The following POGZ variants were observed in gnomAD, a reference collection of about 807,000 sequenced individuals.
POGZ encodes the protein pogo transposable element with ZNF domain.
A neutral mutation model predicts 134.6 loss-of-function variants in POGZ; 17 were observed. That is an observed-to-expected ratio of 0.13 (90% CI 0.09 to 0.19). POGZ has a LOEUF of 0.19. POGZ is among the 10% of genes least tolerant of loss of function. POGZ has a pLI of 1.00. For synonymous variants in POGZ, 693 were observed against 657.1 expected, an observed-to-expected ratio of 1.05 and a Z score of -0.84; for missense variants, 1,306 against 1,769.7, an observed-to-expected ratio of 0.74 and a Z score of 4.70.
chr1:151,406,518 T>G, intron 18 of POGZ, 54 bp from the exon 19 acceptor site: 1 of 1,552,088 alleles, frequency 6.4e-7, no homozygotes, highest in Non-Finnish European at 8.7e-7. Context: ...AACTAGGAAA[T>G]TGAAACAATA....
In POGZ at chr1:151,408,479, T is replaced by C. The variant is rs760122079; in HGVS notation, c.2164A>G (p.Met722Val). 1.8e-5 allele frequency: 29 copies of C among 1,593,562 alleles called. No homozygotes were observed. In the Middle Eastern group the frequency reaches 6.7e-4, roughly 37 times the overall value. Reference sequence around the variant, plus strand: ...TAAAGGAAGACAGGCAGAGGGTCCATTGAGGAGGTCAGCGGTGCTGCCTCC... The same window carrying C: ...TAAAGGAAGACAGGCAGAGGGTCCACTGAGGAGGTCAGCGGTGCTGCCTCC... ...LQEAAPLTSSMDPLPVFLYPP... is the reference protein window; with the variant it reads ...LQEAAPLTSSVDPLPVFLYPP... The change falls in exon 14 of 19, where the codon ATG (methionine) becomes GTG (valine). Residue 722 changes from methionine to valine, a missense_variant. Around this residue, in one of 10 missense-constraint regions of POGZ, gnomAD observed 149 missense variants for 237.5 expected, o/e 0.63. Coordinates refer to ENST00000271715, the MANE Select transcript of POGZ (RefSeq NM_015100.4).
At chr1:151,425,762 T>C (rs542382699) in intron 7 of POGZ, among the ~76,000 whole-genome samples, 2 of 152,376 alleles carry the variant, frequency 1.3e-5, no homozygotes, top group East Asian at 3.9e-4. Context: ...TATCAGTTGA[T>C]GGACCTCTGT....
intron 17 of POGZ, 139 bp from the exon 18 acceptor site, chr1:151,406,770 G>T: frequency 2.0e-6 from 2 of 1,015,008 alleles, no homozygotes; most frequent in Admixed American, 2.2e-5. Flanking sequence ...ATAAACTTCA[G>T]GTCGGAAGGT....
intron 7 of POGZ, among the ~76,000 whole-genome samples, chr1:151,425,467 A>C (rs998731078): frequency 2.0e-4 from 31 of 152,148 alleles, no homozygotes; most frequent in Middle Eastern, 3.4e-3. Context: ...GTTTTTTTTA[A>C]TCTTGCAGAA....
chr1:151,420,430 C>A (rs929285156), intron 10 of POGZ, among the ~76,000 whole-genome samples: 1 of 152,118 alleles, frequency 6.6e-6, no homozygotes, highest in Admixed American at 6.5e-5. Flanking sequence ...AATCCTCCCA[C>A]CTCTACCTCC....
chr1:151,412,020 C>G (rs1327233494), intron 11 of POGZ, among the ~76,000 whole-genome samples: 2 of 152,102 alleles, frequency 1.3e-5, no homozygotes, highest in Non-Finnish European at 2.9e-5. Flanking sequence ...AAAAATAAAG[C>G]CTTTTCTGTC....
chr1:151,416,747 T>C (rs995800889), intron 10 of POGZ, among the ~76,000 whole-genome samples: 2 of 151,078 alleles, frequency 1.3e-5, no homozygotes, highest in African/African-American at 4.9e-5. Flanking sequence ...CCTCAGCCTC[T>C]TGAGCAGCTG....
At chr1:151,436,834 C>T (rs558343923) in intron 3 of POGZ, among the ~76,000 whole-genome samples, 3 of 152,134 alleles carry the variant, frequency 2.0e-5, no homozygotes, top group Non-Finnish European at 2.9e-5. Flanking sequence ...TGTGAACATA[C>T]GTTTTCCATT....
intron 12 of POGZ, among the ~76,000 whole-genome samples, chr1:151,411,198 G>A (rs964588730): frequency 2.0e-5 from 3 of 152,070 alleles, no homozygotes; most frequent in African/African-American, 7.2e-5. Flanking sequence ...CAACCCCTCT[G>A]TCTCTTACAC....
intron 3 of POGZ, among the ~76,000 whole-genome samples, chr1:151,434,702 C>A: frequency 6.6e-6 from 1 of 152,098 alleles, no homozygotes; most frequent in South Asian, 2.1e-4. Flanking sequence ...CCTGCCTCAG[C>A]CTCCCAAGTA....
intron 3 of POGZ, among the ~76,000 whole-genome samples, chr1:151,435,227 C>T (rs187166555): frequency 9.9e-5 from 15 of 152,268 alleles, no homozygotes; most frequent in Admixed American, 9.8e-4. Context: ...AGTTTACTTC[C>T]ATACCCTTAA....
At position 151,407,015 on chromosome 1, in the gene POGZ, T is replaced by C. The variant is rs1403462712; in HGVS notation, c.2441A>G (p.Lys814Arg). Reference sequence around the variant, plus strand: ...AAAGGTACATGAAGTGCAGGCCAGCTTGATTCCACTAAAAAAGAGAATTGA... The same window carrying C: ...AAAGGTACATGAAGTGCAGGCCAGCCTGATTCCACTAAAAAAGAGAATTGA... ...ALFKNSVSGI[K>R]LACTSCTFVT... The change falls in exon 17 of 19, where the codon AAG becomes AGG. Residue 814 changes from lysine to arginine, a missense_variant. Physicochemically the swap from Lys to Arg is conservative, Grantham distance 26. This residue lies in a region of POGZ where 34 missense variants were observed against 95.5 expected (regional missense o/e 0.36). Transcript: ENST00000271715. 2 of 1,612,940 alleles carry C rather than the reference T, an allele frequency of 1.2e-6. No homozygotes were observed. The highest frequency in any genetic ancestry group is 1.7e-6 in the Non-Finnish European group (2 of 1,179,002).
chr1:151,403,423 T>C lies in POGZ; in HGVS notation c.*1379A>G. ...TTTTAAAGACGAACCATTTACAAGC[T>C]TGTGCAGTTTGCCTCCTTGGCTCAC... On this transcript the variant is annotated 3_prime_UTR_variant, in exon 19 of 19. Coordinates refer to ENST00000271715, the MANE Select transcript of POGZ (RefSeq NM_015100.4). 1 of 985,486 alleles carries C rather than the reference T, an allele frequency of 1.0e-6. No individual in the cohort carries two copies. The highest frequency in any genetic ancestry group is 1.2e-6 in the Non-Finnish European group (1 of 829,572). The allele number at this position is 985,486 out of a possible 1,614,324, so 61.0% of individuals were successfully genotyped here. A position where few individuals can be genotyped will look rare whatever the true frequency, so the allele number is the denominator to read the frequency against.
Position 151,441,093 on chromosome 1 carries a change from G to A in POGZ, c.125-7C>T. On this transcript the variant is annotated splice_region_variant and splice_polypyrimidine_tract_variant and intron_variant, in intron 2 of 18. Transcript: ENST00000271715. ...GGCTGCTGGCTCACAGAAACTGTGGGGAAGGGGAGGCATAGTCACTTGGAG... is the reference window on the plus strand; with the variant it reads ...GGCTGCTGGCTCACAGAAACTGTGGAGAAGGGGAGGCATAGTCACTTGGAG... 2 of 1,611,840 alleles carry A rather than the reference G, an allele frequency of 1.2e-6. No individual in the cohort carries two copies. Among genetic ancestry groups the A allele is most frequent in the Non-Finnish European group, 1.7e-6 (2 of 1,178,666 alleles).
intron 10 of POGZ, among the ~76,000 whole-genome samples, chr1:151,414,004 T>C (rs1279155549): frequency 6.6e-6 from 1 of 152,216 alleles, no homozygotes; most frequent in Admixed American, 6.5e-5. Flanking sequence ...TTCATATTTA[T>C]TCTCAAAGAG....
At chr1:151,420,043 C>T (rs1247653466) in intron 10 of POGZ, among the ~76,000 whole-genome samples, 1 of 151,936 alleles carries the variant, frequency 6.6e-6, no homozygotes, top group East Asian at 1.9e-4. Context: ...AATAAATTAG[C>T]TGGGTGTGGT....
intron 1 of POGZ, among the ~76,000 whole-genome samples, chr1:151,447,024 A>C (rs1661374536): frequency 6.6e-6 from 1 of 152,132 alleles, no homozygotes; most frequent in African/African-American, 2.4e-5. Context: ...AAATCTCTAA[A>C]ACATCATATT....
chr1:151,403,779 G>A lies in POGZ; in HGVS notation c.*1023C>T. 16 of 985,522 alleles carry A rather than the reference G, an allele frequency of 1.6e-5. No individual in the cohort carries two copies. The highest frequency in any genetic ancestry group is 1.9e-5 in the Non-Finnish European group (16 of 829,854). The allele number at this position is 985,522 out of a possible 1,614,324, so 61.0% of individuals were successfully genotyped here. A position where few individuals can be genotyped will look rare whatever the true frequency, so the allele number is the denominator to read the frequency against. ...AAGTTCAACACTTCTTGAACAATTA[G>A]CTCCTGGCTGTAGGACCAGTAATCC... On this transcript the variant is annotated 3_prime_UTR_variant, in exon 19 of 19. Coordinates refer to ENST00000271715, the MANE Select transcript of POGZ (RefSeq NM_015100.4).
At chr1:151,453,211 C>T (rs553727469) in intron 1 of POGZ, among the ~76,000 whole-genome samples, 104 of 152,068 alleles carry the variant, frequency 6.8e-4, no homozygotes, top group African/African-American at 2.4e-3. Flanking sequence ...TGAGCCACTG[C>T]GCCCAGCCTC....
Sources: allele counts gnomAD v4.1 joint callset (sites outside exome capture counted in the v4.1 genomes callset), GRCh38; gene constraint gnomAD v4.1.1; regional missense constraint gnomAD v4.1.1; transcripts MANE v1.5; gene names NCBI Gene and HGNC (gene_info 2026-07-23, HGNC 2026-07-21).